The following PAK1 variants were observed in gnomAD, a reference collection of about 807,000 sequenced individuals.
The protein encoded by PAK1 is serine/threonine-protein kinase PAK 1.
In PAK1, 29 loss-of-function variants were observed where a neutral mutation model predicts 67.4. The ratio of observed to expected loss-of-function variants is 0.43; its 90% CI spans 0.32 to 0.59. PAK1 has a LOEUF of 0.59. Ranked by LOEUF, PAK1 falls within the 20% of genes least tolerant of loss-of-function variation. The probability of loss-of-function intolerance (pLI) is 0.07; values close to 1 mark genes in which losing one functional copy is unlikely to be tolerated. For missense variants in PAK1, 337 were observed against 670.7 expected, an observed-to-expected ratio of 0.50 and a Z score of 5.50; for synonymous variants, 223 against 237.4, an observed-to-expected ratio of 0.94 and a Z score of 0.56.
chr11:77,363,502 C>A (rs984524472), intron 5 of PAK1, among the ~76,000 whole-genome samples: 1 of 152,172 alleles, frequency 6.6e-6, no homozygotes, highest in Non-Finnish European at 1.5e-5. Flanking sequence ...TCAAAAAGTT[C>A]TTTCCATTAA....
At chr11:77,434,304 T>C (rs1765632646) in intron 1 of PAK1, among the ~76,000 whole-genome samples, 1 of 152,090 alleles carries the variant, frequency 6.6e-6, no homozygotes, top group South Asian at 2.1e-4. Flanking sequence ...CAGCAGTAAA[T>C]ACAATTACAT....
At chr11:77,447,588 G>A (rs894761683) in intron 1 of PAK1, among the ~76,000 whole-genome samples, 5 of 151,470 alleles carry the variant, frequency 3.3e-5, no homozygotes, top group African/African-American at 7.3e-5. Flanking sequence ...GCAGTGGCAC[G>A]ATCTCAGCTC....
chr11:77,374,423 G>A (rs775185791), intron 4 of PAK1, 58 bp from the exon 5 acceptor site: 35 of 1,177,808 alleles, frequency 3.0e-5, no homozygotes, highest in Non-Finnish European at 4.4e-5. Context: ...AAATTTTTCT[G>A]GACAGCAAAA....
Position 77,323,161 on chromosome 11 carries a change from C to G in PAK1, c.*113G>C. ...ATCAAAGTCTTGAGGAGTGCTAGAT[C>G]AGGAAATGGGAGAAGCAAGGCAAGG... On this transcript the variant is annotated 3_prime_UTR_variant, in exon 15 of 15. Coordinates refer to ENST00000356341, the MANE Select transcript of PAK1 (RefSeq NM_002576.5). 1 of 1,558,482 alleles carries G rather than the reference C, an allele frequency of 6.4e-7. No individual in the cohort carries two copies. Among genetic ancestry groups the G allele is most frequent in the Non-Finnish European group, 8.7e-7 (1 of 1,150,780 alleles).
In PAK1 at chr11:77,379,397, G is replaced by C. The variant is rs762279882; in HGVS notation, c.292-9C>G. 12 of 1,610,684 alleles carry C rather than the reference G, an allele frequency of 7.5e-6. No homozygotes were observed. Among genetic ancestry groups the C allele is most frequent in the South Asian group, 6.6e-5 (6 of 90,758 alleles). Reference sequence around the variant, plus strand: ...CACTGCTCTGGCATTCCCTGTAAGAGAGACATGCAAGACTAACAGGAAGGC... The same window carrying C: ...CACTGCTCTGGCATTCCCTGTAAGACAGACATGCAAGACTAACAGGAAGGC... On this transcript the variant is annotated splice_polypyrimidine_tract_variant and intron_variant, in intron 3 of 14. Transcript: ENST00000356341.
chr11:77,387,112 A>G (rs1950550315), intron 2 of PAK1, among the ~76,000 whole-genome samples: 1 of 125,112 alleles, frequency 8.0e-6, no homozygotes, highest in African/African-American at 3.2e-5. Context: ...TCACTCTGTT[A>G]CCCAGGCTGG....
intron 1 of PAK1, among the ~76,000 whole-genome samples, chr11:77,415,251 C>T (rs766921417): frequency 5.3e-5 from 8 of 152,214 alleles, no homozygotes; most frequent in African/African-American, 1.2e-4. Flanking sequence ...TATGCAGCAA[C>T]GGGAACTCTC....
chr11:77,429,393 C>T (rs1955754048), intron 1 of PAK1, among the ~76,000 whole-genome samples: 1 of 152,140 alleles, frequency 6.6e-6, no homozygotes, highest in African/African-American at 2.4e-5. Flanking sequence ...ATAGTACTGC[C>T]TACAAAATAC....
chr11:77,419,672 T>C (rs979967208), intron 1 of PAK1, among the ~76,000 whole-genome samples: 7 of 152,230 alleles, frequency 4.6e-5, no homozygotes, highest in African/African-American at 1.4e-4. Flanking sequence ...CAAATAACTT[T>C]TAAAACAATA....
the PAK1 span, among the ~76,000 whole-genome samples, chr11:77,493,445 ATTTTTTTTTTTTTT>A: frequency 1.6e-4 from 11 of 70,964 alleles, no homozygotes; most frequent in Non-Finnish European, 2.0e-4. Flanking sequence ...TGCCCAGCTA[ATTTTTTTTTTTTTT>A]TTTTTTTTTT....
chr11:77,382,977 A>G (rs11237173), intron 2 of PAK1, among the ~76,000 whole-genome samples: 37,310 of 152,124 alleles, frequency 0.25, 5,671 homozygotes, highest in South Asian at 0.45. Flanking sequence ...AGCCTGGGTG[A>G]CAGAGTGAGG....
Position 77,355,851 on chromosome 11 carries a change from T to A in PAK1, c.598-9A>T, listed in dbSNP as rs762486609. On this transcript the variant is annotated splice_polypyrimidine_tract_variant and intron_variant, in intron 6 of 14. Coordinates refer to ENST00000356341, the MANE Select transcript of PAK1 (RefSeq NM_002576.5). ...ACAGACCGTGTGTATACCTGCATTA[T>A]TAGTGCAAAATTTTGGCAAGACCAG... 8.7e-6 allele frequency: 14 copies of A among 1,611,680 alleles called. No homozygotes were observed. Among genetic ancestry groups the A allele is most frequent in the Non-Finnish European group, 1.2e-5 (14 of 1,178,412 alleles).
chr11:77,443,239 C>A (rs1956439222), intron 1 of PAK1, among the ~76,000 whole-genome samples: 1 of 150,990 alleles, frequency 6.6e-6, no homozygotes. Context: ...CACTTGAACC[C>A]AGGAGGCAGA....
chr11:77,404,661 T>C (rs563356739), intron 1 of PAK1, among the ~76,000 whole-genome samples: 243 of 152,308 alleles, frequency 1.6e-3, no homozygotes, highest in African/African-American at 5.5e-3. Flanking sequence ...TCTGCATCCA[T>C]TTTCTCCTTC....
intron 1 of PAK1, among the ~76,000 whole-genome samples, chr11:77,462,362 T>C (rs1249542605): frequency 6.6e-6 from 1 of 151,526 alleles, no homozygotes; most frequent in Non-Finnish European, 1.5e-5. Context: ...CATCCTTAGA[T>C]AGCATCAGGA....
At chr11:77,481,716 A>G in the PAK1 span, among the ~76,000 whole-genome samples, 2 of 151,614 alleles carry the variant, frequency 1.3e-5, no homozygotes, top group Non-Finnish European at 2.9e-5. Context: ...TGAGTAGCAC[A>G]ATTGCTAGAT....
chr11:77,461,816 G>A (rs1386108131), intron 1 of PAK1, among the ~76,000 whole-genome samples: 4 of 152,078 alleles, frequency 2.6e-5, no homozygotes, highest in Non-Finnish European at 2.9e-5. Context: ...AGAATAGTGT[G>A]GCACTTTAAA....
chr11:77,479,864 T>C, the PAK1 span, among the ~76,000 whole-genome samples: 2 of 151,966 alleles, frequency 1.3e-5, no homozygotes, highest in Non-Finnish European at 1.5e-5. Flanking sequence ...CACCTCAGCC[T>C]CCCAAACTGC....
At chr11:77,341,865 G>A (rs544537963) in intron 10 of PAK1, among the ~76,000 whole-genome samples, 5 of 152,248 alleles carry the variant, frequency 3.3e-5, no homozygotes, top group African/African-American at 7.2e-5. Context: ...ACTACTAATC[G>A]ACAGCTCTTT....
Sources: gnomAD v4.1 joint callset for allele counts (sites outside exome capture counted in the v4.1 genomes callset) on GRCh38, gnomAD v4.1.1 for gene constraint, MANE v1.5 for transcripts, NCBI Gene and HGNC (gene_info 2026-07-23, HGNC 2026-07-21) for gene names.